Variants in CAMKMT observed in about 807,000 individuals in gnomAD.
The protein encoded by CAMKMT is CaM KMT.
CAMKMT carries 53 observed loss-of-function variants against 48.0 expected under a neutral mutation model. That is an observed-to-expected ratio of 1.10 (90% confidence interval 0.89 to 1.39). The LOEUF (loss-of-function observed/expected upper bound fraction) is 1.39, where lower values mean the gene tolerates loss of function less well. CAMKMT is among the 40% of genes most tolerant of loss of function. CAMKMT has a pLI of 0.00. For missense variants in CAMKMT, 428 were observed against 402.7 expected, an observed-to-expected ratio of 1.06 and a Z score of -0.54; for synonymous variants, 165 against 152.3, an observed-to-expected ratio of 1.08 and a Z score of -0.61.
At position 44,644,720 on chromosome 2, in the gene CAMKMT, AT is replaced by A. The variant is rs369118830; in HGVS notation, c.377-59557del. Among the ~76,000 whole-genome samples the A allele has an allele frequency of 3.3e-3, 498 of 152,232 alleles. 3 individuals are homozygous for A. Among genetic ancestry groups the A allele is most frequent in the African/African-American group, 0.012 (478 of 41,522 alleles). ...TGGGTAAAAACTGTTCACTGGTGTCATTTTTTATAATTAGACTTTTATAGCT... is the reference window on the plus strand; with the variant it reads ...TGGGTAAAAACTGTTCACTGGTGTCATTTTTATAATTAGACTTTTATAGCT... On this transcript the variant is annotated intron_variant, in intron 3 of 10. Transcript: ENST00000378494.
intron 3 of CAMKMT, chr2:44,631,532 G>A: frequency 1.6e-6 from 1 of 613,474 alleles, no homozygotes; most frequent in Non-Finnish European, 2.9e-6. Flanking sequence ...TTGATCTCCT[G>A]GACTCAAGCA....
Position 44,706,276 on chromosome 2 carries a change from C to G in CAMKMT, c.438-11C>G. 1 of 1,613,174 alleles carries G rather than the reference C, an allele frequency of 6.2e-7. No homozygotes were observed. Among genetic ancestry groups the G allele is most frequent in the Non-Finnish European group, 8.5e-7 (1 of 1,179,374 alleles). The stretch of plus-strand genomic sequence containing the variant: ...TTGTATGGGTTCTACCATTTCTTTT[C>G]TCTCTTTCAGGGCCCTTGCTGTGTG... On this transcript the variant is annotated splice_polypyrimidine_tract_variant and intron_variant, in intron 4 of 10. Coordinates refer to ENST00000378494, the MANE Select transcript of CAMKMT (RefSeq NM_024766.5).
chr2:44,563,981 G>A (rs969867384), intron 3 of CAMKMT, among the ~76,000 whole-genome samples: 3 of 152,054 alleles, frequency 2.0e-5, no homozygotes, highest in Non-Finnish European at 4.4e-5. Flanking sequence ...AATCCTTTGG[G>A]TATATACCCA....
At chr2:44,566,953 A>G (rs1208528026) in intron 3 of CAMKMT, among the ~76,000 whole-genome samples, 1 of 152,210 alleles carries the variant, frequency 6.6e-6, no homozygotes, top group Non-Finnish European at 1.5e-5. Flanking sequence ...GTCTATGGTT[A>G]AACAGTCGTA....
chr2:44,522,160 C>T (rs1295784779), intron 3 of CAMKMT, among the ~76,000 whole-genome samples: 1 of 152,008 alleles, frequency 6.6e-6, no homozygotes. Context: ...CATGCCACCA[C>T]TCCTGGCTAA....
chr2:44,416,733 C>A (rs1005439842), intron 3 of CAMKMT, among the ~76,000 whole-genome samples: 2 of 151,608 alleles, frequency 1.3e-5, no homozygotes, highest in South Asian at 4.2e-4. Flanking sequence ...CACAACCACA[C>A]CCGGCTAATT....
chr2:44,762,316 C>T (rs79714079), intron 9 of CAMKMT, among the ~76,000 whole-genome samples: 2,527 of 152,214 alleles, frequency 0.017, 58 homozygotes, highest in African/African-American at 0.058. Flanking sequence ...AACAAGACCT[C>T]GTCTTTATAA....
At chr2:44,448,652 G>A (rs1475517774) in intron 3 of CAMKMT, among the ~76,000 whole-genome samples, 5 of 152,136 alleles carry the variant, frequency 3.3e-5, no homozygotes, top group Non-Finnish European at 1.5e-5. Context: ...ACACGTGTAA[G>A]TAATGTGACA....
chr2:44,445,650 T>G (rs1085446), intron 3 of CAMKMT, among the ~76,000 whole-genome samples: 7,700 of 17,818 alleles, frequency 0.43, 856 homozygotes, highest in South Asian at 0.54. Flanking sequence ...GGGTAGTTTT[T>G]TTTTTTTTTT....
chr2:44,707,672 C>T (rs1677639527), intron 6 of CAMKMT, among the ~76,000 whole-genome samples: 1 of 152,078 alleles, frequency 6.6e-6, no homozygotes, highest in South Asian at 2.1e-4. Flanking sequence ...TTATAGACAT[C>T]TCTCATGAAA....
intron 9 of CAMKMT, among the ~76,000 whole-genome samples, chr2:44,762,286 A>G (rs567778861): frequency 2.6e-5 from 4 of 152,336 alleles, no homozygotes; most frequent in Admixed American, 6.5e-5. Flanking sequence ...CCAAGAGTTC[A>G]AGAGCAGCCT....
chr2:44,664,759 G>C (rs929339775), intron 3 of CAMKMT, among the ~76,000 whole-genome samples: 2 of 152,290 alleles, frequency 1.3e-5, no homozygotes, highest in Non-Finnish European at 1.5e-5. Context: ...GTTTTAAGAA[G>C]AGGTGACATT....
chr2:44,412,483 C>G (rs948522256), intron 3 of CAMKMT, among the ~76,000 whole-genome samples: 4 of 152,004 alleles, frequency 2.6e-5, no homozygotes, highest in Admixed American at 2.6e-4. Flanking sequence ...TTACAGGTGC[C>G]TGCCACCACG....
intron 3 of CAMKMT, among the ~76,000 whole-genome samples, chr2:44,590,315 G>A (rs1670181168): frequency 6.6e-6 from 1 of 152,132 alleles, no homozygotes; most frequent in South Asian, 2.1e-4. Context: ...TTTTCTCAAA[G>A]AGTTTGAGAA....
In CAMKMT at chr2:44,766,461, G is replaced by T. The variant is rs147110301; in HGVS notation, c.794G>T (p.Gly265Val). 3 of 1,613,976 alleles carry T rather than the reference G, an allele frequency of 1.9e-6. No individual in the cohort carries two copies. The highest frequency in any genetic ancestry group is 2.5e-6 in the Non-Finnish European group (3 of 1,180,028). ...GKAMVFAPRR[G>V]NTLNQFCNLA... ...GCGATGGTATTTGCCCCACGCCGAG[G>T]GAATACTTTAAACCAGTTTTGCAAT... Residue 265 changes from glycine (G) to valine (V), a missense_variant, in exon 10 of 11, where the codon GGG (glycine) becomes GTG (valine). Gly to Val is a moderately radical substitution (Grantham distance 109). Transcript: ENST00000378494.
chr2:44,585,016 C>T (rs933810469), intron 3 of CAMKMT, among the ~76,000 whole-genome samples: 4 of 151,610 alleles, frequency 2.6e-5, no homozygotes, highest in Admixed American at 6.6e-5. Flanking sequence ...GATCGCACCA[C>T]TGCACTCCAG....
chr2:44,589,109 G>C (rs1187166076), intron 3 of CAMKMT, among the ~76,000 whole-genome samples: 5 of 29,666 alleles, frequency 1.7e-4, no homozygotes, highest in Admixed American at 4.0e-4. Flanking sequence ...TCTGCCTGGC[G>C]AGCCGCCCCG....
intron 1 of CAMKMT, among the ~76,000 whole-genome samples, chr2:44,369,357 G>A (rs1325868361): frequency 6.6e-6 from 1 of 151,838 alleles, no homozygotes; most frequent in African/African-American, 2.4e-5. Context: ...ATATTTTCTT[G>A]ATTATTTTGA....
At chr2:44,590,228 C>T (rs1670177762) in intron 3 of CAMKMT, among the ~76,000 whole-genome samples, 2 of 152,072 alleles carry the variant, frequency 1.3e-5, no homozygotes, top group South Asian at 4.2e-4. Flanking sequence ...GTAGTCTTCT[C>T]TTTGTCTTTG....
Sources: gnomAD v4.1 joint callset for allele counts (sites outside exome capture counted in the v4.1 genomes callset) on GRCh38, gnomAD v4.1.1 for gene constraint, MANE v1.5 for transcripts, NCBI Gene and HGNC (gene_info 2026-07-23, HGNC 2026-07-21) for gene names.